Variants in STKLD1 observed in about 807,000 individuals in gnomAD.
The protein encoded by STKLD1 is serine/threonine kinase-like domain-containing protein STKLD1.
STKLD1 carries 79 observed loss-of-function variants against 80.4 expected under a neutral mutation model. The ratio of observed to expected loss-of-function variants is 0.98; its 90% CI spans 0.82 to 1.19. The LOEUF is 1.19. Ranked by LOEUF, STKLD1 falls within the 50% of genes most tolerant of loss-of-function variation. The pLI is 0.00. For synonymous variants in STKLD1, 393 were observed against 357.6 expected (o/e 1.10, Z -1.12); for missense variants, 841 against 856.0 (o/e 0.98, Z 0.22).
intron 4 of STKLD1, among the ~76,000 whole-genome samples, chr9:133,386,799 A>G (rs2130278199): frequency 1.3e-5 from 2 of 152,226 alleles, no homozygotes; most frequent in African/African-American, 4.8e-5. Context: ...AGAGAGGCTG[A>G]GAAGCCTTCT....
Position 133,394,177 on chromosome 9 carries a change from A to T in STKLD1, c.584-114A>T. 1.4e-6 allele frequency: 1 copy of T among 729,568 alleles called. No individual in the cohort carries two copies. Among genetic ancestry groups the T allele is most frequent in the South Asian group, 1.6e-5 (1 of 64,258 alleles). 45.2% of individuals were successfully genotyped at this position (729,568 alleles called of 1,614,324 possible). On this transcript the variant is annotated intron_variant, in intron 7 of 17. Transcript: ENST00000371957. This position sits in a 1 kb window ranked among gnomAD's most constrained non-coding sequence, Gnocchi z 4.9. ...GAGGACCTGCAGGGCTTGTGTTTCA[A>T]GCTGCTTGCGGGGGGCCACCAAAGG...
In STKLD1 at chr9:133,394,197, C is replaced by A; in HGVS notation, c.584-94C>A. On this transcript the variant is annotated intron_variant, in intron 7 of 17. Coordinates refer to ENST00000371957, the MANE Select transcript of STKLD1 (RefSeq NM_153710.5). The surrounding 1 kb of genome is among the most constrained non-coding windows in gnomAD (Gnocchi z 4.9). Reference sequence around the variant, plus strand: ...TTTCAAGCTGCTTGCGGGGGGCCACCAAAGGGGATACAGTGCTGGGCAGGG... The same window carrying A: ...TTTCAAGCTGCTTGCGGGGGGCCACAAAAGGGGATACAGTGCTGGGCAGGG... 1 of 835,506 alleles carries A rather than the reference C, an allele frequency of 1.2e-6. No individual in the cohort carries two copies. The highest frequency in any genetic ancestry group is 2.1e-6 in the Non-Finnish European group (1 of 483,708). The allele number at this position is 835,506 out of a possible 1,614,324, so 51.8% of individuals were successfully genotyped here.
At chr9:133,402,773 C>G in intron 13 of STKLD1, 105 bp from the exon 14 acceptor site, 1 of 1,324,892 alleles carries the variant, frequency 7.5e-7, no homozygotes, top group Non-Finnish European at 1.0e-6. Flanking sequence ...AGAGCAGGCA[C>G]CTAGGATTGC....
chr9:133,393,989 CCTT>C (rs1248678823), intron 7 of STKLD1: 7 of 346,752 alleles, frequency 2.0e-5, no homozygotes, highest in African/African-American at 8.3e-5. Context: ...TCTTCCAACT[CCTT>C]CTACAGCCAT....
Position 133,385,568 on chromosome 9 carries a change from G to A in STKLD1, c.220-49G>A. On this transcript the variant is annotated intron_variant, in intron 3 of 17. Transcript: ENST00000371957. This position sits in a 1 kb window ranked among gnomAD's most constrained non-coding sequence, Gnocchi z 4.9. ...TGACAGAGAAGCCCGAGCTGAGAAA[G>A]GCGTGGAGAGGCACTGACTTCTCCG... 6.4e-7 allele frequency: 1 copy of A among 1,571,792 alleles called. No homozygotes were observed. Among genetic ancestry groups the A allele is most frequent in the Non-Finnish European group, 8.7e-7 (1 of 1,143,562 alleles).
intron 1 of STKLD1, among the ~76,000 whole-genome samples, chr9:133,378,277 C>T (rs1332823621): frequency 6.6e-6 from 1 of 152,182 alleles, no homozygotes; most frequent in Non-Finnish European, 1.5e-5. Context: ...TAGGCTCAGG[C>T]TTCCATCCTC....
At chr9:133,401,708 A>AC in intron 12 of STKLD1, 30 bp from the exon 13 acceptor site, 1 of 1,601,072 alleles carries the variant, frequency 6.2e-7, no homozygotes, top group Non-Finnish European at 8.5e-7. Context: ...TGTGGGGCTA[A>AC]CCCCAGGCGT....
chr9:133,397,962 G>C lies in STKLD1; in HGVS notation c.998-10G>C, dbSNP rs868024760. Reference sequence around the variant, plus strand: ...AGAAAGGTCCCTCCCCTGCCTTCCTGTCCCTGCAGAGGTCATGCAGAAATT... The same window carrying C: ...AGAAAGGTCCCTCCCCTGCCTTCCTCTCCCTGCAGAGGTCATGCAGAAATT... On this transcript the variant is annotated splice_polypyrimidine_tract_variant and intron_variant, in intron 10 of 17. Transcript: ENST00000371957. 6.2e-7 allele frequency: 1 copy of C among 1,611,758 alleles called. No individual in the cohort carries two copies. The highest frequency in any genetic ancestry group is 1.7e-4 in the Middle Eastern group (1 of 6,054).
intron 2 of STKLD1, among the ~76,000 whole-genome samples, chr9:133,379,440 C>T (rs2130261040): frequency 1.3e-5 from 2 of 152,210 alleles, no homozygotes; most frequent in Non-Finnish European, 2.9e-5. Flanking sequence ...CTGTTTATAG[C>T]CAAAGACAGT....
intron 2 of STKLD1, among the ~76,000 whole-genome samples, chr9:133,379,960 G>A (rs1315360131): frequency 6.6e-6 from 1 of 152,218 alleles, no homozygotes; most frequent in African/African-American, 2.4e-5. Flanking sequence ...TCCCTTGCTG[G>A]CTGGCTGTGG....
At chr9:133,396,361 G>A (rs1838564132) in intron 9 of STKLD1, among the ~76,000 whole-genome samples, 1 of 152,182 alleles carries the variant, frequency 6.6e-6, no homozygotes, top group South Asian at 2.1e-4. Context: ...CTCGAGCCCG[G>A]GAGGCAGAGG....
At chr9:133,381,128 T>C (rs1460408622) in intron 2 of STKLD1, among the ~76,000 whole-genome samples, 4 of 140,354 alleles carry the variant, frequency 2.8e-5, no homozygotes, top group Non-Finnish European at 6.1e-5. Flanking sequence ...TCATACGATG[T>C]AACTTTTTTT....
At chr9:133,405,113 C>G in intron 17 of STKLD1, 139 bp from the exon 18 acceptor site, 6 of 1,313,616 alleles carry the variant, frequency 4.6e-6, no homozygotes, top group Non-Finnish European at 6.2e-6. Context: ...GAGGGTGACG[C>G]TTGGGGCTCC....
In STKLD1 at chr9:133,403,820, C is replaced by T. The variant is rs782358062; in HGVS notation, c.1595C>T (p.Ser532Phe). ...EASCGVFWLL[S>F]LLGCIKEQQF... Reference sequence around the variant, plus strand: ...AGCTGCGGAGTCTTCTGGCTGCTGTCCCTGCTGGGTGAGCTGGGTGGGCGC... The same window carrying T: ...AGCTGCGGAGTCTTCTGGCTGCTGTTCCTGCTGGGTGAGCTGGGTGGGCGC... Residue 532 changes from serine (S) to phenylalanine (F), a missense_variant, in exon 15 of 18, where the codon TCC (serine) becomes TTC (phenylalanine). Physicochemically the swap from Ser to Phe is radical, Grantham distance 155. Coordinates refer to ENST00000371957, the MANE Select transcript of STKLD1 (RefSeq NM_153710.5). 8 of 1,613,532 alleles carry T rather than the reference C, an allele frequency of 5.0e-6. No individual in the cohort carries two copies. Among genetic ancestry groups the T allele is most frequent in the East Asian group, 2.2e-5 (1 of 44,886 alleles).
Position 133,390,865 on chromosome 9 carries a change from C to A in STKLD1, c.583+69C>A. ...TAGAATCCAGGCGGCGTTGGCCACT[C>A]TGGGTGCTGGAGTGAGGCAACATCA... is the stretch of plus-strand genomic sequence containing the variant. On this transcript the variant is annotated intron_variant, in intron 7 of 17. Transcript: ENST00000371957. The surrounding 1 kb of genome is among the most constrained non-coding windows in gnomAD (Gnocchi z 5.1). 1 of 1,217,556 alleles carries A rather than the reference C, an allele frequency of 8.2e-7. No homozygotes were observed. The highest frequency in any genetic ancestry group is 1.2e-6 in the Non-Finnish European group (1 of 821,936). 75.4% of individuals were successfully genotyped at this position (1,217,556 alleles called of 1,614,324 possible). A position where few individuals can be genotyped will look rare whatever the true frequency, so the allele number is the denominator to read the frequency against.
intron 2 of STKLD1, among the ~76,000 whole-genome samples, chr9:133,381,131 CTTTTTTTTTT>C (rs35031853): frequency 4.3e-5 from 3 of 69,174 alleles, no homozygotes; most frequent in African/African-American, 1.8e-4. Flanking sequence ...TACGATGTAA[CTTTTTTTTTT>C]TTTTTTTTTT....
At position 133,384,560 on chromosome 9, in the gene STKLD1, G is replaced by T. The variant is rs1838222438; in HGVS notation, c.219+660G>T. On this transcript the variant is annotated intron_variant, in intron 3 of 17. Transcript: ENST00000371957. This position sits in a 1 kb window ranked among gnomAD's most constrained non-coding sequence, Gnocchi z 4.3. The stretch of plus-strand genomic sequence containing the variant: ...GAAAATTTTAAAAATACAGAATTGG[G>T]TTTTCTTTTGTTTTTACCTTTTTTT... 6.6e-6 allele frequency: 1 copy of T among 150,862 alleles called. No homozygotes were observed. Among genetic ancestry groups the T allele is most frequent in the Admixed American group, 6.6e-5 (1 of 15,164 alleles). The allele number at this position is 150,862 out of a possible 1,614,324, so 9.3% of individuals were successfully genotyped here.
At chr9:133,400,293 C>G (rs935261132) in intron 11 of STKLD1, 120 bp from the exon 12 acceptor site, 18 of 709,436 alleles carry the variant, frequency 2.5e-5, no homozygotes, top group Middle Eastern at 2.5e-4. Flanking sequence ...TGTCCTTCCC[C>G]CTTCTATTCA....
In STKLD1 at chr9:133,385,095, A is replaced by G. The variant is rs2130273760; in HGVS notation, c.220-522A>G. Among the ~76,000 whole-genome samples the G allele has an allele frequency of 3.9e-5, 6 of 152,186 alleles. No individual in the cohort carries two copies. The highest frequency in any genetic ancestry group is 8.8e-5 in the Non-Finnish European group (6 of 68,032). On this transcript the variant is annotated intron_variant, in intron 3 of 17. Transcript: ENST00000371957. This position sits in a 1 kb window ranked among gnomAD's most constrained non-coding sequence, Gnocchi z 4.9. ...CGTTGCCGATTCCCATCCACAGCCC[A>G]CTAGGTAGGCCACCTGCTTTCATGC...
Sources: gnomAD v4.1 joint callset for allele counts (sites outside exome capture counted in the v4.1 genomes callset) on GRCh38, gnomAD v4.1.1 for gene constraint, Gnocchi (gnomAD v3.1) non-coding constraint, MANE v1.5 for transcripts, NCBI Gene and HGNC (gene_info 2026-07-23, HGNC 2026-07-21) for gene names.